The following LRRC4C variants were observed in gnomAD, a reference collection of about 807,000 sequenced individuals.
The protein encoded by LRRC4C is leucine-rich repeat-containing protein 4C.
Under a neutral mutation model 33.6 loss-of-function variants are expected in LRRC4C, and 5 were observed. The ratio of observed to expected loss-of-function variants is 0.15; its 90% confidence interval spans 0.08 to 0.31. The LOEUF is 0.31. Among genes scored for constraint, LRRC4C ranks in the 10% least tolerant of loss-of-function variants. The pLI is 1.00. For synonymous variants in LRRC4C, 329 were observed against 302.0 expected (o/e 1.09, Z -0.93); for missense variants, 560 against 796.7 (o/e 0.70, Z 3.58).
At chr11:40,815,609 C>T (rs1360155837) in intron 2 of LRRC4C, among the ~76,000 whole-genome samples, 1 of 152,128 alleles carries the variant, frequency 6.6e-6, no homozygotes, top group Admixed American at 6.6e-5. Flanking sequence ...CTTTGTGGCT[C>T]CTTTTTTGCT....
intron 1 of LRRC4C, among the ~76,000 whole-genome samples, chr11:41,413,899 T>C (rs973587351): frequency 3.9e-5 from 6 of 152,188 alleles, no homozygotes; most frequent in Non-Finnish European, 5.9e-5. Flanking sequence ...AACGGAGCTA[T>C]GGTAATCACT....
At chr11:40,699,116 A>G (rs1188575558) in intron 2 of LRRC4C, among the ~76,000 whole-genome samples, 1 of 152,224 alleles carries the variant, frequency 6.6e-6, no homozygotes, top group Non-Finnish European at 1.5e-5. Flanking sequence ...AAGCCTTGGT[A>G]TTCCTGCTAT....
intron 1 of LRRC4C, among the ~76,000 whole-genome samples, chr11:41,047,211 T>A (rs1857835210): frequency 6.6e-6 from 1 of 152,012 alleles, no homozygotes; most frequent in Admixed American, 6.5e-5. Context: ...TCGCAAAAAA[T>A]TTGAATAGAC....
chr11:41,071,454 G>C (rs1306011297), intron 1 of LRRC4C, among the ~76,000 whole-genome samples: 1 of 152,008 alleles, frequency 6.6e-6, no homozygotes, highest in Non-Finnish European at 1.5e-5. Context: ...GCCTAAAAAA[G>C]TTTAGAGCCC....
At chr11:40,753,965 A>AAT (rs1172266368) in intron 2 of LRRC4C, among the ~76,000 whole-genome samples, 4 of 151,706 alleles carry the variant, frequency 2.6e-5, no homozygotes, top group East Asian at 3.9e-4. Flanking sequence ...TGGTGTACAC[A>AAT]ATATATATAT....
chr11:40,878,314 G>C (rs1299176845), intron 2 of LRRC4C, among the ~76,000 whole-genome samples: 1 of 152,122 alleles, frequency 6.6e-6, no homozygotes, highest in Non-Finnish European at 1.5e-5. Context: ...CACTGATAGG[G>C]TTTTGATATG....
At chr11:40,609,574 T>C (rs1960990996) in intron 3 of LRRC4C, among the ~76,000 whole-genome samples, 1 of 151,536 alleles carries the variant, frequency 6.6e-6, no homozygotes, top group Non-Finnish European at 1.5e-5. Context: ...TATTTACAAG[T>C]AGAGCATAGA....
intron 3 of LRRC4C, among the ~76,000 whole-genome samples, chr11:40,637,845 A>T (rs1941846204): frequency 6.6e-6 from 1 of 152,080 alleles, no homozygotes. Flanking sequence ...GAAGCCAGGG[A>T]GATCTAGCAC....
intron 4 of LRRC4C, among the ~76,000 whole-genome samples, chr11:40,259,649 C>A (rs967076549): frequency 6.6e-6 from 1 of 152,164 alleles, no homozygotes; most frequent in Non-Finnish European, 1.5e-5. Context: ...GTTTTCCCAT[C>A]ACCATTTATT....
intron 3 of LRRC4C, among the ~76,000 whole-genome samples, chr11:40,363,353 G>A (rs978372540): frequency 5.3e-5 from 8 of 152,082 alleles, no homozygotes; most frequent in African/African-American, 1.9e-4. Context: ...GCTAAATGAT[G>A]AGAACACATT....
chr11:40,475,593 G>A (rs559570093), intron 3 of LRRC4C, among the ~76,000 whole-genome samples: 3 of 152,140 alleles, frequency 2.0e-5, no homozygotes, highest in South Asian at 4.2e-4. Context: ...AGAACTTTAA[G>A]TATAATAATA....
chr11:40,959,786 G>A (rs1419811625), intron 1 of LRRC4C, among the ~76,000 whole-genome samples: 1 of 151,626 alleles, frequency 6.6e-6, no homozygotes, highest in African/African-American at 2.4e-5. Context: ...AAGCACATTT[G>A]CTCAGTGATT....
chr11:41,440,281 C>T (rs1323954049), intron 1 of LRRC4C, among the ~76,000 whole-genome samples: 1 of 151,962 alleles, frequency 6.6e-6, no homozygotes, highest in Admixed American at 6.5e-5. Context: ...TGTCTGTCCA[C>T]TCTAGAGAGA....
At chr11:40,359,104 G>A (rs1947825221) in intron 3 of LRRC4C, among the ~76,000 whole-genome samples, 1 of 152,184 alleles carries the variant, frequency 6.6e-6, no homozygotes, top group African/African-American at 2.4e-5. Context: ...TCTCCCTTAT[G>A]TAATGTGTCG....
At chr11:40,389,384 C>T (rs1200397577) in intron 3 of LRRC4C, among the ~76,000 whole-genome samples, 1 of 151,828 alleles carries the variant, frequency 6.6e-6, no homozygotes, top group Non-Finnish European at 1.5e-5. Context: ...GGTTAGTTGT[C>T]AAGAACTCGT....
At chr11:40,707,915 C>T (rs1412729767) in intron 2 of LRRC4C, among the ~76,000 whole-genome samples, 8 of 152,094 alleles carry the variant, frequency 5.3e-5, no homozygotes, top group African/African-American at 1.9e-4. Flanking sequence ...TTCAGCAATT[C>T]AACTTCTTCC....
intron 1 of LRRC4C, among the ~76,000 whole-genome samples, chr11:41,087,879 G>A (rs1194063594): frequency 1.3e-5 from 2 of 152,044 alleles, no homozygotes; most frequent in Non-Finnish European, 2.9e-5. Context: ...GTAAATATTA[G>A]CTATCAATTA....
At chr11:41,356,793 G>C (rs374605159) in intron 1 of LRRC4C, among the ~76,000 whole-genome samples, 2 of 152,120 alleles carry the variant, frequency 1.3e-5, no homozygotes, top group Non-Finnish European at 2.9e-5. Flanking sequence ...CTACAATTTA[G>C]CCAAGCTTAC....
At chr11:40,538,514 T>G (rs1474056308) in intron 3 of LRRC4C, among the ~76,000 whole-genome samples, 1 of 152,234 alleles carries the variant, frequency 6.6e-6, no homozygotes, top group Non-Finnish European at 1.5e-5. Flanking sequence ...TGCCACATTT[T>G]CTTAATCCAG....
Sources: gnomAD v4.1 joint callset for allele counts (sites outside exome capture counted in the v4.1 genomes callset) on GRCh38, gnomAD v4.1.1 for gene constraint, MANE v1.5 for transcripts, NCBI Gene and HGNC (gene_info 2026-07-23, HGNC 2026-07-21) for gene names.